PACRG: variants seen among roughly 807,000 people sequenced by gnomAD.
PACRG encodes the protein parkin coregulated gene protein.
Under a neutral mutation model 29.7 loss-of-function variants are expected in PACRG, and 29 were observed. That is an observed-to-expected ratio of 0.98 (90% confidence interval 0.73 to 1.33). The LOEUF (loss-of-function observed/expected upper bound fraction) is 1.33. Among genes scored for constraint, PACRG ranks in the 40% most tolerant of loss-of-function variants. The pLI, the probability that PACRG is intolerant of heterozygous loss-of-function variation, is 0.00. For missense variants in PACRG, 279 were observed against 316.2 expected (o/e 0.88, Z 0.89); for synonymous variants, 116 against 118.7 (o/e 0.98, Z 0.15).
intron 2 of PACRG, among the ~76,000 whole-genome samples, chr6:163,012,650 T>G (rs549986259): frequency 2.2e-4 from 33 of 152,376 alleles, no homozygotes; most frequent in African/African-American, 7.0e-4. Context: ...CCTCTGGAGC[T>G]GTGCCAGGCT....
At chr6:162,738,201 T>A (rs1780311963) in intron 1 of PACRG, among the ~76,000 whole-genome samples, 1 of 152,184 alleles carries the variant, frequency 6.6e-6, no homozygotes, top group African/African-American at 2.4e-5. Context: ...ATATATGTAT[T>A]CGTATATCCT....
chr6:163,262,526 CTTT>C (rs35264261), intron 4 of PACRG, among the ~76,000 whole-genome samples: 1 of 148,700 alleles, frequency 6.7e-6, no homozygotes, highest in African/African-American at 2.5e-5. Flanking sequence ...AACATGATCT[CTTT>C]TTTTTTTTCA....
At chr6:163,003,798 C>A (rs377537823) in intron 2 of PACRG, among the ~76,000 whole-genome samples, 1 of 152,122 alleles carries the variant, frequency 6.6e-6, no homozygotes, top group Admixed American at 6.5e-5. Flanking sequence ...AATACATTAG[C>A]CTTAATCCTC....
At chr6:162,916,789 C>T (rs1482170241) in intron 2 of PACRG, among the ~76,000 whole-genome samples, 2 of 151,976 alleles carry the variant, frequency 1.3e-5, no homozygotes, top group East Asian at 3.9e-4. Flanking sequence ...TATCCTCAAA[C>T]AAAGCAAGAT....
chr6:163,252,066 T>C (rs972206721), intron 4 of PACRG, among the ~76,000 whole-genome samples: 1 of 152,216 alleles, frequency 6.6e-6, no homozygotes, highest in Admixed American at 6.5e-5. Context: ...TGTCTGGTGA[T>C]CAGTGTTGCC....
chr6:163,204,434 T>C (rs1241035825), intron 4 of PACRG, among the ~76,000 whole-genome samples: 1 of 152,220 alleles, frequency 6.6e-6, no homozygotes, highest in Non-Finnish European at 1.5e-5. Context: ...TGTGTTTTTA[T>C]ATGCATATGG....
At chr6:163,107,383 A>C (rs1186661330) in intron 4 of PACRG, among the ~76,000 whole-genome samples, 1 of 152,348 alleles carries the variant, frequency 6.6e-6, no homozygotes, top group East Asian at 1.9e-4. Flanking sequence ...CATGACAAAC[A>C]AAAAGCTCCT....
At chr6:163,286,926 G>A (rs374226331) in intron 4 of PACRG, among the ~76,000 whole-genome samples, 7 of 152,236 alleles carry the variant, frequency 4.6e-5, no homozygotes, top group African/African-American at 1.7e-4. Flanking sequence ...ATATGGATAT[G>A]TATGTGACTG....
chr6:163,150,869 C>T (rs6455866), intron 4 of PACRG, among the ~76,000 whole-genome samples: 25,912 of 152,094 alleles, frequency 0.17, 2,643 homozygotes, highest in African/African-American at 0.27. Flanking sequence ...GAAATCATGA[C>T]CTAGGGTAAT....
rs747651111 is a variant in PACRG, at chr6:162,931,122, A to G, written c.291+116841A>G. On this transcript the variant is annotated intron_variant, in intron 2 of 4. Coordinates refer to ENST00000366888, the MANE Select transcript of PACRG (RefSeq NM_001080379.2). ...GCAAGTATTCTTTCTTCTACAAAAAATTTTTGAAGAGTTTCTGTTTAATTG... is the reference window on the plus strand; with the variant it reads ...GCAAGTATTCTTTCTTCTACAAAAAGTTTTTGAAGAGTTTCTGTTTAATTG... Among the ~76,000 whole-genome samples, 6 of 151,688 alleles carry G rather than the reference A, an allele frequency of 4.0e-5. 1 individual carries two copies. The highest frequency in any genetic ancestry group is 2.4e-5 in the African/African-American group (1 of 41,402).
chr6:163,268,318 C>T (rs1271976372), intron 4 of PACRG, among the ~76,000 whole-genome samples: 1 of 150,678 alleles, frequency 6.6e-6, no homozygotes, highest in Non-Finnish European at 1.5e-5. Context: ...AAGAGAATGG[C>T]GTGAACCTGG....
chr6:162,756,353 T>C (rs1781918987), intron 1 of PACRG, among the ~76,000 whole-genome samples: 1 of 152,224 alleles, frequency 6.6e-6, no homozygotes, highest in Non-Finnish European at 1.5e-5. Context: ...TTATAATTGT[T>C]AGGTCTTCAT....
At chr6:163,165,974 CTAATA>C in intron 4 of PACRG, 1 of 400,676 alleles carries the variant, frequency 2.5e-6, no homozygotes, top group South Asian at 1.8e-5. Flanking sequence ...CGTTATGATT[CTAATA>C]TAATACAATT....
chr6:163,268,261 G>C (rs1202828443), intron 4 of PACRG, among the ~76,000 whole-genome samples: 1 of 151,968 alleles, frequency 6.6e-6, no homozygotes, highest in African/African-American at 2.4e-5. Context: ...AATTAGCCGG[G>C]CGTGGTGGCG....
chr6:163,034,108 G>T (rs1168360272), intron 2 of PACRG, among the ~76,000 whole-genome samples: 4 of 151,642 alleles, frequency 2.6e-5, no homozygotes, highest in South Asian at 4.2e-4. Context: ...GCCTGCAGCA[G>T]GGTGGGAAGG....
chr6:162,894,134 G>A (rs778977854), intron 2 of PACRG, among the ~76,000 whole-genome samples: 2 of 152,104 alleles, frequency 1.3e-5, no homozygotes, highest in African/African-American at 2.4e-5. Context: ...TGGGACACAC[G>A]TCCTTCCCAT....
chr6:162,777,495 A>G lies in PACRG; in HGVS notation c.157-36652A>G, dbSNP rs147472508. ...CCAGGCCATGCTACCCTGTCCTTTC[A>G]GGGCTTACAGAGACTTTGGTGAGAT... On this transcript the variant is annotated intron_variant, in intron 1 of 4. Transcript: ENST00000366888. The surrounding 1 kb of genome is among the most constrained non-coding windows in gnomAD (Gnocchi z 4.0). 3.5e-3 allele frequency among the ~76,000 whole-genome samples: 534 copies of G among 152,302 alleles called. 3 individuals are homozygous for G. The highest frequency in any genetic ancestry group is 0.012 in the African/African-American group (500 of 41,566).
intron 3 of PACRG, 135 bp from the exon 4 acceptor site, chr6:163,089,124 A>G (rs1329175919): frequency 2.5e-6 from 2 of 806,208 alleles, no homozygotes; most frequent in East Asian, 2.7e-5. Context: ...CCAAAGCTAT[A>G]ATAATAAAGG....
At chr6:163,297,307 T>C (rs1252136328) in intron 4 of PACRG, among the ~76,000 whole-genome samples, 1 of 152,200 alleles carries the variant, frequency 6.6e-6, no homozygotes, top group African/African-American at 2.4e-5. Context: ...TCAGTGGAGG[T>C]CACGGTTCAG....
Sources: allele counts gnomAD v4.1 joint callset (sites outside exome capture counted in the v4.1 genomes callset), GRCh38; gene constraint gnomAD v4.1.1; non-coding constraint Gnocchi (gnomAD v3.1); transcripts MANE v1.5; gene names NCBI Gene and HGNC (gene_info 2026-07-23, HGNC 2026-07-21).